ATP5MK: variants seen among roughly 807,000 people sequenced by gnomAD.
ATP5MK encodes the protein ATP synthase membrane subunit k.
In ATP5MK, 5 loss-of-function variants were observed where a neutral mutation model predicts 6.6. That is an observed-to-expected ratio of 0.76 (90% CI 0.40 to 1.60). The LOEUF (loss-of-function observed/expected upper bound fraction) is 1.60, where lower values mean the gene tolerates loss of function less well. Ranked by LOEUF, ATP5MK falls within the 40% of genes most tolerant of loss-of-function variation. The pLI, the probability that ATP5MK is intolerant of heterozygous loss-of-function variation, is 0.02. For missense variants in ATP5MK, 57 were observed against 66.6 expected (o/e 0.86, Z 0.50); for synonymous variants, 30 against 24.5 (o/e 1.22, Z -0.66).
At chr10:103,389,502 T>C (rs1266356255) in intron 4 of ATP5MK, among the ~76,000 whole-genome samples, 1 of 151,946 alleles carries the variant, frequency 6.6e-6, no homozygotes, top group African/African-American at 2.4e-5. Flanking sequence ...TTGTATTTTT[T>C]AGTAGAGACA....
chr10:103,392,388 G>A lies in ATP5MK; in HGVS notation c.70C>T (p.Leu24Phe). Residue 24 changes from leucine to phenylalanine, a missense_variant, in exon 3 of 5, where the codon CTC (leucine) becomes TTC (phenylalanine). Physicochemically the swap from Leu to Phe is conservative, Grantham distance 22. Transcript: ENST00000369815. ...GIKKYFNSYT[L>F]TGRMNCVLAT... is the part of the protein sequence containing the mutation. Reference sequence around the variant, plus strand: ...ATACTTACGTTCATTCTACCTGTGAGAGTATAAGAGTTGAAATATTTTTTA... The same window carrying A: ...ATACTTACGTTCATTCTACCTGTGAAAGTATAAGAGTTGAAATATTTTTTA... The A allele has an allele frequency of 1.9e-6, 3 of 1,606,472 alleles. No individual in the cohort carries two copies.
intron 4 of ATP5MK, among the ~76,000 whole-genome samples, chr10:103,390,644 AG>A (rs1441633745): frequency 6.6e-6 from 1 of 152,056 alleles, no homozygotes; most frequent in Admixed American, 6.5e-5. Flanking sequence ...CAAAAAAATT[AG>A]CCATGCGTGG....
At chr10:103,392,334 T>C in intron 3 of ATP5MK, 37 bp downstream of exon 3, 2 of 1,595,214 alleles carry the variant, frequency 1.3e-6, no homozygotes, top group Non-Finnish European at 1.7e-6. Flanking sequence ...ATCTATATTA[T>C]TTTAAAATAT....
intron 4 of ATP5MK, among the ~76,000 whole-genome samples, chr10:103,389,574 C>T (rs540305976): frequency 8.3e-4 from 126 of 152,178 alleles, no homozygotes; most frequent in African/African-American, 2.7e-3. Context: ...CCACCCGCCT[C>T]AGCCTCCCAA....
intron 2 of ATP5MK, among the ~76,000 whole-genome samples, chr10:103,394,758 C>T (rs927868772): frequency 3.7e-5 from 5 of 133,554 alleles, no homozygotes; most frequent in Non-Finnish European, 8.0e-5. Flanking sequence ...CCCCCGCCCC[C>T]CCACCAGCTC....
At position 103,393,558 on chromosome 10, in the gene ATP5MK, C is replaced by T. The variant is rs546138989; in HGVS notation, c.-9-1092G>A. Among the ~76,000 whole-genome samples, 38 of 146,874 alleles carry T rather than the reference C, an allele frequency of 2.6e-4. No individual in the cohort carries two copies. In the South Asian group the frequency reaches 7.9e-3, roughly 30 times the overall value. ...TTGCGCCACTGCACTCCAGCCTGGG[C>T]GACAGAGCGAGACGCCGTCTCAAAA... On this transcript the variant is annotated intron_variant, in intron 2 of 4. Coordinates refer to ENST00000369815, the MANE Select transcript of ATP5MK (RefSeq NM_001206427.2).
intron 4 of ATP5MK, 112 bp downstream of exon 4, chr10:103,392,079 G>C (rs1416914047): frequency 3.4e-6 from 3 of 891,276 alleles, no homozygotes; most frequent in East Asian, 2.7e-5. Flanking sequence ...TTTTTTTCTT[G>C]TATGCTATAA....
Position 103,392,477 on chromosome 10 carries a change from A to G in ATP5MK, c.-9-11T>C. On this transcript the variant is annotated splice_polypyrimidine_tract_variant and intron_variant, in intron 2 of 4. Coordinates refer to ENST00000369815, the MANE Select transcript of ATP5MK (RefSeq NM_001206427.2). ...TGCCATGATTTCAATCTTTTAAAAA[A>G]AGAAAGAAAGCAACATTAAATTGGT... 2 of 1,561,056 alleles carry G rather than the reference A, an allele frequency of 1.3e-6. No individual in the cohort carries two copies. Among genetic ancestry groups the G allele is most frequent in the South Asian group, 2.4e-5 (2 of 84,146 alleles).
chr10:103,390,618 G>A (rs566612791), intron 4 of ATP5MK, among the ~76,000 whole-genome samples: 12 of 152,160 alleles, frequency 7.9e-5, no homozygotes, highest in South Asian at 2.1e-4. Flanking sequence ...GTGAAACCCC[G>A]TCTCTACTAA....
chr10:103,391,059 A>G (rs1319772474), intron 4 of ATP5MK, among the ~76,000 whole-genome samples: 1 of 152,254 alleles, frequency 6.6e-6, no homozygotes, highest in Non-Finnish European at 1.5e-5. Flanking sequence ...CAATTGATAA[A>G]TAAAAACATG....
chr10:103,392,483 GA>G lies in ATP5MK; in HGVS notation c.-9-18del. The G allele has an allele frequency of 6.5e-7, 1 of 1,548,902 alleles. No homozygotes were observed. Among genetic ancestry groups the G allele is most frequent in the Non-Finnish European group, 8.7e-7 (1 of 1,143,786 alleles). On this transcript the variant is annotated intron_variant, in intron 2 of 4. Transcript: ENST00000369815. Reference sequence around the variant, plus strand: ...GATTTCAATCTTTTAAAAAAAGAAAGAAAGCAACATTAAATTGGTTTGGATG... The same window carrying G: ...GATTTCAATCTTTTAAAAAAAGAAAGAAGCAACATTAAATTGGTTTGGATG...
rs1005727771 is a variant in ATP5MK, at chr10:103,391,054, GATAA to G, written c.*3+1133_*3+1136del. Reference sequence around the variant, plus strand: ...CATAGAGCTTCCAAGTCACCCAATTGATAAATAAAAACATGTATAGAATGAATTG... The same window carrying G: ...CATAGAGCTTCCAAGTCACCCAATTGATAAAAACATGTATAGAATGAATTG... On this transcript the variant is annotated intron_variant, in intron 4 of 4. Coordinates refer to ENST00000369815, the MANE Select transcript of ATP5MK (RefSeq NM_001206427.2). Among the ~76,000 whole-genome samples the G allele has an allele frequency of 3.3e-5, 5 of 152,234 alleles. No homozygotes were observed. In the East Asian group the frequency reaches 5.8e-4, roughly 18 times the overall value.
In ATP5MK at chr10:103,392,196, A is replaced by AT; in HGVS notation, c.174dup (p.Ter59IlefsTer5). ...TTTAAATGTCAACTTCTTACCATTT[A>AT]TGTTGCTTTCACAGCTGGAGTTTTT... is the stretch of plus-strand genomic sequence containing the variant. On this transcript the variant is annotated frameshift_variant, in exon 4 of 5. Transcript: ENST00000369815. LOFTEE classifies it high-confidence loss of function. 6.2e-7 allele frequency: 1 copy of AT among 1,609,120 alleles called. No individual in the cohort carries two copies. Among genetic ancestry groups the AT allele is most frequent in the Non-Finnish European group, 8.5e-7 (1 of 1,177,542 alleles).
At chr10:103,392,118 T>C in intron 4 of ATP5MK, 73 bp downstream of exon 4, 1 of 1,396,144 alleles carries the variant, frequency 7.2e-7, no homozygotes, top group Non-Finnish European at 9.8e-7. Flanking sequence ...GGTTTATTTT[T>C]ATACTAAATG....
At chr10:103,392,962 T>C (rs531545369) in intron 2 of ATP5MK, among the ~76,000 whole-genome samples, 1 of 152,282 alleles carries the variant, frequency 6.6e-6, no homozygotes, top group South Asian at 2.1e-4. Flanking sequence ...GATAATTTAT[T>C]AAATGGAGTT....
chr10:103,391,466 T>A (rs926945890), intron 4 of ATP5MK, among the ~76,000 whole-genome samples: 1 of 152,094 alleles, frequency 6.6e-6, no homozygotes, highest in African/African-American at 2.4e-5. Context: ...ACAAAATACA[T>A]GTAACAAAAA....
chr10:103,392,304 TAAAC>T, intron 3 of ATP5MK, 21 bp from the exon 4 acceptor site: 1 of 1,600,790 alleles, frequency 6.2e-7, no homozygotes, highest in Non-Finnish European at 8.5e-7. Context: ...AAGAAAAAAG[TAAAC>T]AAGACTTGTT....
In ATP5MK at chr10:103,389,951, C is replaced by T. The variant is rs570777937; in HGVS notation, c.*4-785G>A. Among the ~76,000 whole-genome samples the T allele has an allele frequency of 1.9e-3, 294 of 152,006 alleles. 2 individuals carry two copies. Among genetic ancestry groups the T allele is most frequent in the South Asian group, 0.011 (51 of 4,800 alleles). ...TTCACCATGTTGGCCAGGCTGGTCT[C>T]GAACTCCTGATCTCAGATGGTCCAC... On this transcript the variant is annotated intron_variant, in intron 4 of 4. Transcript: ENST00000369815.
chr10:103,390,754 C>T (rs556225112), intron 4 of ATP5MK, among the ~76,000 whole-genome samples: 40 of 152,052 alleles, frequency 2.6e-4, no homozygotes, highest in African/African-American at 9.4e-4. Context: ...CATGCCATTG[C>T]ACTCCAGCCT....
Sources: allele counts gnomAD v4.1 joint callset (sites outside exome capture counted in the v4.1 genomes callset), GRCh38; gene constraint gnomAD v4.1.1; transcripts MANE v1.5; gene names NCBI Gene and HGNC (gene_info 2026-07-23, HGNC 2026-07-21).